The following TECPR1 variants were observed in gnomAD, a reference collection of about 807,000 sequenced individuals.
The protein encoded by TECPR1 is tectonin beta-propeller repeat-containing protein 1.
In TECPR1, 122 loss-of-function variants were observed where a neutral mutation model predicts 162.4. That is an observed-to-expected ratio of 0.75 (90% CI 0.65 to 0.87). TECPR1 has a LOEUF of 0.87. TECPR1 is among the 40% of genes least tolerant of loss of function. The pLI is 0.00. For missense variants in TECPR1, 1,432 were observed against 1,618.2 expected (o/e 0.88, Z 1.97); for synonymous variants, 642 against 670.6 (o/e 0.96, Z 0.66).
chr7:98,249,848 G>A (rs976683173), intron 2 of TECPR1, among the ~76,000 whole-genome samples: 4 of 151,584 alleles, frequency 2.6e-5, no homozygotes, highest in African/African-American at 9.7e-5. Flanking sequence ...AACCTGGTAG[G>A]AGGAGATTGT....
chr7:98,237,209 G>A (rs1310472378), intron 9 of TECPR1, among the ~76,000 whole-genome samples: 1 of 152,056 alleles, frequency 6.6e-6, no homozygotes, highest in African/African-American at 2.4e-5. Context: ...AGGAAATGAG[G>A]TTCACCTGCC....
At chr7:98,226,340 C>T (rs943721821) in intron 17 of TECPR1, 2 of 654,420 alleles carry the variant, frequency 3.1e-6, no homozygotes, top group African/African-American at 3.9e-5. Context: ...AATATTTACA[C>T]ACAGGGACAT....
Position 98,232,063 on chromosome 7 carries a change from G to A in TECPR1, c.1819-104C>T. 1 of 1,278,408 alleles carries A rather than the reference G, an allele frequency of 7.8e-7. No homozygotes were observed. The highest frequency in any genetic ancestry group is 1.1e-6 in the Non-Finnish European group (1 of 930,278). 79.2% of individuals were successfully genotyped at this position (1,278,408 alleles called of 1,614,324 possible). A position where few individuals can be genotyped will look rare whatever the true frequency, so the allele number is the denominator to read the frequency against. On this transcript the variant is annotated intron_variant, in intron 12 of 25. Coordinates refer to ENST00000447648, the MANE Select transcript of TECPR1 (RefSeq NM_015395.3). This position sits in a 1 kb window ranked among gnomAD's most constrained non-coding sequence, Gnocchi z 4.6. The stretch of plus-strand genomic sequence containing the variant: ...AGAGGAGGAGGCAGGGCTGGGGTAG[G>A]GCCCACCCAGCACTCCCGGCTGTCA...
At position 98,241,838 on chromosome 7, in the gene TECPR1, G is replaced by A. The variant is rs1280778263; in HGVS notation, c.658-594C>T. On this transcript the variant is annotated intron_variant, in intron 6 of 25. Transcript: ENST00000447648. This position sits in a 1 kb window ranked among gnomAD's most constrained non-coding sequence, Gnocchi z 5.0. ...CCCTACAGCAGGCCCTGCAGGACCA[G>A]GCCTAGGAGCCTCCCTTCGGCTAGC... Among the ~76,000 whole-genome samples the A allele has an allele frequency of 6.6e-6, 1 of 152,160 alleles. No individual in the cohort carries two copies. The highest frequency in any genetic ancestry group is 1.5e-5 in the Non-Finnish European group (1 of 68,016).
intron 3 of TECPR1, 31 bp downstream of exon 3, chr7:98,245,891 G>T (rs1418608309): frequency 6.4e-7 from 1 of 1,557,944 alleles, no homozygotes; most frequent in African/African-American, 1.4e-5. Context: ...GAACTGACCC[G>T]CTCGGCAACT....
Position 98,219,405 on chromosome 7 carries a change from A to G in TECPR1, c.3158-1363T>C, listed in dbSNP as rs182761436. 1.7e-3 allele frequency among the ~76,000 whole-genome samples: 264 copies of G among 152,370 alleles called. 1 individual carries two copies. Among genetic ancestry groups the G allele is most frequent in the Middle Eastern group, 3.4e-3 (1 of 294 alleles). On this transcript the variant is annotated intron_variant, in intron 23 of 25. Coordinates refer to ENST00000447648, the MANE Select transcript of TECPR1 (RefSeq NM_015395.3). ...TAAAGGAGCCCTAATTAAACTAAAA[A>G]GTTTCTGCAGAGCAAAAGAAATAAT...
At chr7:98,249,728 T>C (rs548527035) in intron 2 of TECPR1, among the ~76,000 whole-genome samples, 4 of 152,122 alleles carry the variant, frequency 2.6e-5, no homozygotes, top group Admixed American at 6.6e-5. Context: ...GGCGGGCAGA[T>C]TGCTTGAGGC....
At chr7:98,243,395 G>A (rs1244336031) in intron 6 of TECPR1, 72 bp downstream of exon 6, 4 of 1,584,382 alleles carry the variant, frequency 2.5e-6, no homozygotes, top group Admixed American at 1.7e-5. Flanking sequence ...CAAGACCCAG[G>A]GGGTGCACAG....
At chr7:98,240,145 C>T (rs529163505) in intron 8 of TECPR1, among the ~76,000 whole-genome samples, 12 of 152,048 alleles carry the variant, frequency 7.9e-5, no homozygotes, top group African/African-American at 2.7e-4. Context: ...TGTGAGTAAT[C>T]GGAAATCGGC....
Position 98,215,467 on chromosome 7 carries a change from C to T in TECPR1, c.*1923G>A, listed in dbSNP as rs1261548662. 1.3e-5 allele frequency: 2 copies of T among 152,232 alleles called. No homozygotes were observed. The highest frequency in any genetic ancestry group is 2.9e-5 in the Non-Finnish European group (2 of 68,056). The allele number at this position is 152,232 out of a possible 1,614,324, so 9.4% of individuals were successfully genotyped here. On this transcript the variant is annotated 3_prime_UTR_variant, in exon 26 of 26. Coordinates refer to ENST00000447648, the MANE Select transcript of TECPR1 (RefSeq NM_015395.3). ...ATGTCTGCTTCAGGCACACGGGGAA[C>T]CACGCGTTTTAATCAACGTATCGAT...
intron 6 of TECPR1, among the ~76,000 whole-genome samples, chr7:98,243,210 C>T (rs1003839167): frequency 2.0e-5 from 3 of 152,114 alleles, no homozygotes; most frequent in Non-Finnish European, 4.4e-5. Flanking sequence ...CACCCACCCC[C>T]ACACTATTCC....
At position 98,228,821 on chromosome 7, in the gene TECPR1, G is replaced by A. The variant is rs112940485; in HGVS notation, c.2410+218C>T. The A allele has an allele frequency of 6.2e-3, 3,339 of 542,500 alleles. 18 individuals carry two copies. The highest frequency in any genetic ancestry group is 8.9e-3 in the Non-Finnish European group (2,839 of 318,220). 33.6% of individuals were successfully genotyped at this position (542,500 alleles called of 1,614,324 possible). A position where few individuals can be genotyped will look rare whatever the true frequency, so the allele number is the denominator to read the frequency against. On this transcript the variant is annotated intron_variant, in intron 16 of 25. Coordinates refer to ENST00000447648, the MANE Select transcript of TECPR1 (RefSeq NM_015395.3). ...CTGGACATGCTGGTGGACCCTGGCC[G>A]CTGCCTCTCTGGAACCTTCGAGGCC...
chr7:98,232,213 C>T lies in TECPR1; in HGVS notation c.1819-254G>A, dbSNP rs1584338318. Among the ~76,000 whole-genome samples the T allele has an allele frequency of 6.6e-6, 1 of 152,132 alleles. No individual in the cohort carries two copies. Among genetic ancestry groups the T allele is most frequent in the Non-Finnish European group, 1.5e-5 (1 of 68,026 alleles). Reference sequence around the variant, plus strand: ...ACAGCCAGAGTGGGCACTGCCATCCCGCCTTCTGCATGGGGAGACAGGCTC... The same window carrying T: ...ACAGCCAGAGTGGGCACTGCCATCCTGCCTTCTGCATGGGGAGACAGGCTC... On this transcript the variant is annotated intron_variant, in intron 12 of 25. Coordinates refer to ENST00000447648, the MANE Select transcript of TECPR1 (RefSeq NM_015395.3). This position sits in a 1 kb window ranked among gnomAD's most constrained non-coding sequence, Gnocchi z 4.6.
intron 15 of TECPR1, among the ~76,000 whole-genome samples, 151 bp from the exon 16 acceptor site, chr7:98,229,317 G>A (rs983419057): frequency 8.5e-5 from 13 of 152,146 alleles, no homozygotes; most frequent in African/African-American, 1.7e-4. Flanking sequence ...CCTGACCTCC[G>A]CGTTCATATT....
In TECPR1 at chr7:98,215,558, T is replaced by C. The variant is rs1016464738; in HGVS notation, c.*1832A>G. 3 of 152,278 alleles carry C rather than the reference T, an allele frequency of 2.0e-5. No individual in the cohort carries two copies. The highest frequency in any genetic ancestry group is 2.0e-4 in the Admixed American group (3 of 15,284). The allele number at this position is 152,278 out of a possible 1,614,324, so 9.4% of individuals were successfully genotyped here. On this transcript the variant is annotated 3_prime_UTR_variant, in exon 26 of 26. Transcript: ENST00000447648. ...TTGAGTAAAGTATCCGAGGAAGTGATGCAGGGCAGGTAAACAGCTGGTGCT... is the reference window on the plus strand; with the variant it reads ...TTGAGTAAAGTATCCGAGGAAGTGACGCAGGGCAGGTAAACAGCTGGTGCT...
intron 16 of TECPR1, chr7:98,228,724 C>CG (rs1562936134): frequency 1.0e-5 from 3 of 286,706 alleles, no homozygotes; most frequent in Non-Finnish European, 2.0e-5. Context: ...TCCTAGAAAT[C>CG]GGGGGGCCAC....
rs1478750765 is a variant in TECPR1, at chr7:98,246,161, G to GT, written c.-16dup. The GT allele has an allele frequency of 9.8e-6, 15 of 1,535,260 alleles. No individual in the cohort carries two copies. Among genetic ancestry groups the GT allele is most frequent in the Non-Finnish European group, 1.3e-5 (15 of 1,135,926 alleles). ...GAGTTGGGCATGGCAGCGGCTGGAG[G>GT]TAACCTGCGGCAGGAGGACGAGGGC... is the stretch of plus-strand genomic sequence containing the variant. On this transcript the variant is annotated 5_prime_UTR_variant, in exon 3 of 26. Transcript: ENST00000447648.
rs1351941998 is a variant in TECPR1, at chr7:98,231,282, G to A, written c.2066C>T (p.Thr689Ile). ...HSFALYTPER[T>I]RQRWPVRLAA... The stretch of plus-strand genomic sequence containing the variant: ...CAGACGCACCGGCCACCTCTGCCGT[G>A]TCCGCTCAGGGGTGTACAGGGCAAA... Residue 689 changes from threonine (T) to isoleucine (I), a missense_variant, in exon 14 of 26, where the codon ACA becomes ATA. Thr to Ile is a moderately conservative substitution (Grantham distance 89, BLOSUM62 -1). Coordinates refer to ENST00000447648, the MANE Select transcript of TECPR1 (RefSeq NM_015395.3). 3.7e-6 allele frequency: 6 copies of A among 1,612,932 alleles called. No homozygotes were observed. Among genetic ancestry groups the A allele is most frequent in the Non-Finnish European group, 5.1e-6 (6 of 1,179,658 alleles).
intron 2 of TECPR1, among the ~76,000 whole-genome samples, chr7:98,247,712 TTTTTC>T (rs754684163): frequency 1.3e-5 from 2 of 152,026 alleles, no homozygotes; most frequent in African/African-American, 4.8e-5. Flanking sequence ...TACTCCTTTC[TTTTTC>T]TTTTCTTTTC....
Sources: allele counts gnomAD v4.1 joint callset (sites outside exome capture counted in the v4.1 genomes callset), GRCh38; gene constraint gnomAD v4.1.1; non-coding constraint Gnocchi (gnomAD v3.1); transcripts MANE v1.5; gene names NCBI Gene and HGNC (gene_info 2026-07-23, HGNC 2026-07-21).